Variants in C8orf33 observed in about 807,000 individuals in gnomAD.
The protein encoded by C8orf33 is UPF0488 protein C8orf33.
Under a neutral mutation model 25.7 loss-of-function variants are expected in C8orf33, and 28 were observed. The observed-to-expected ratio is 1.09, with a 90% CI of 0.81 to 1.49. The LOEUF (loss-of-function observed/expected upper bound fraction) is 1.49, where lower values mean the gene tolerates loss of function less well. Among genes scored for constraint, C8orf33 ranks in the 40% most tolerant of loss-of-function variants. The probability of loss-of-function intolerance (pLI) is 0.00; values close to 1 mark genes in which losing one functional copy is unlikely to be tolerated. For synonymous variants in C8orf33, 153 were observed against 115.9 expected (o/e 1.32, Z -2.06); for missense variants, 369 against 294.4 (o/e 1.25, Z -1.85).
intron 1 of C8orf33, 25 bp downstream of exon 1, chr8:145,052,522 G>T (rs1348458323): frequency 1.9e-6 from 3 of 1,600,274 alleles, no homozygotes; most frequent in African/African-American, 2.7e-5. Flanking sequence ...GAAGACGCGC[G>T]GGTGGCTGGG....
Position 145,054,322 on chromosome 8 carries a change from T to C in C8orf33, c.*165T>C. On this transcript the variant is annotated 3_prime_UTR_variant, in exon 5 of 5. Coordinates refer to ENST00000331434, the MANE Select transcript of C8orf33 (RefSeq NM_023080.3). The stretch of plus-strand genomic sequence containing the variant: ...GTTGTGAAGGTGTGAGACCATCAGA[T>C]AGGCAAAAGACCCCGTTCGTTTTCT... The C allele has an allele frequency of 3.0e-6, 2 of 664,446 alleles. No individual in the cohort carries two copies. The highest frequency in any genetic ancestry group is 2.3e-5 in the South Asian group (1 of 44,000). The allele number at this position is 664,446 out of a possible 1,614,324, so 41.2% of individuals were successfully genotyped here.
At position 145,052,489 on chromosome 8, in the gene C8orf33, C is replaced by G. The variant is rs572434877; in HGVS notation, c.-3C>G. ...CGCGTAGTTCCGGTGGCGACTGCGGCGCATGGCGGTGAGCGGTGTGGAGAA... is the reference window on the plus strand; with the variant it reads ...CGCGTAGTTCCGGTGGCGACTGCGGGGCATGGCGGTGAGCGGTGTGGAGAA... On this transcript the variant is annotated 5_prime_UTR_variant, in exon 1 of 5. Coordinates refer to ENST00000331434, the MANE Select transcript of C8orf33 (RefSeq NM_023080.3). 1.3e-6 allele frequency: 2 copies of G among 1,598,586 alleles called. No individual in the cohort carries two copies. Among genetic ancestry groups the G allele is most frequent in the Non-Finnish European group, 1.7e-6 (2 of 1,179,422 alleles).
In C8orf33 at chr8:145,053,289, A is replaced by G. The variant is rs753060166; in HGVS notation, c.404-8A>G. The G allele has an allele frequency of 1.9e-6, 3 of 1,613,988 alleles. No individual in the cohort carries two copies. In the Admixed American group the frequency reaches 5.0e-5, roughly 27 times the overall value. ...AGGTGTTCACTAGTCCTTTATTTTT[A>G]TTCGCAGAAGAGCAGGCTATTGGAG... On this transcript the variant is annotated splice_region_variant and splice_polypyrimidine_tract_variant and intron_variant, in intron 3 of 4. Coordinates refer to ENST00000331434, the MANE Select transcript of C8orf33 (RefSeq NM_023080.3).
In C8orf33 at chr8:145,054,351, G is replaced by T. The variant is rs1835325737; in HGVS notation, c.*194G>T. On this transcript the variant is annotated 3_prime_UTR_variant, in exon 5 of 5. Coordinates refer to ENST00000331434, the MANE Select transcript of C8orf33 (RefSeq NM_023080.3). ...CAAAAGACCCCGTTCGTTTTCTGAT[G>T]AAATGTTCTCTCTTTCAGAAGAGAG... 3 of 527,268 alleles carry T rather than the reference G, an allele frequency of 5.7e-6. No individual in the cohort carries two copies. The highest frequency in any genetic ancestry group is 7.2e-5 in the Admixed American group (2 of 27,752). The allele number at this position is 527,268 out of a possible 1,614,324, so 32.7% of individuals were successfully genotyped here.
At chr8:145,052,518 G>A (rs1406146109) in intron 1 of C8orf33, 21 bp downstream of exon 1, 1 of 1,600,106 alleles carries the variant, frequency 6.2e-7, no homozygotes, top group Non-Finnish European at 8.5e-7. Flanking sequence ...TGGAGAAGAC[G>A]CGCGGGTGGC....
Position 145,055,563 on chromosome 8 carries a change from TC to T in C8orf33, c.*1410del. On this transcript the variant is annotated 3_prime_UTR_variant, in exon 5 of 5. Transcript: ENST00000331434. ...CAGACTGGGAAAAGGAGCCTCCCTT[TC>T]CCCGGGGGAGTTTAGAGAAGACTAC... 1 of 164,686 alleles carries T rather than the reference TC, an allele frequency of 6.1e-6. No individual in the cohort carries two copies. Among genetic ancestry groups the T allele is most frequent in the Non-Finnish European group, 1.3e-5 (1 of 77,292 alleles). 10.2% of individuals were successfully genotyped at this position (164,686 alleles called of 1,614,324 possible).
intron 4 of C8orf33, 67 bp downstream of exon 4, chr8:145,053,510 A>G: frequency 6.5e-7 from 1 of 1,541,244 alleles, no homozygotes; most frequent in Non-Finnish European, 8.9e-7. Context: ...AGGGGGTGAA[A>G]GGAAGAAGGC....
rs915100536 is a variant in C8orf33, at chr8:145,054,306, G to A, written c.*149G>A. Reference sequence around the variant, plus strand: ...CCAAGGATTTGTAGCTGTTGTGAAGGTGTGAGACCATCAGATAGGCAAAAG... The same window carrying A: ...CCAAGGATTTGTAGCTGTTGTGAAGATGTGAGACCATCAGATAGGCAAAAG... On this transcript the variant is annotated 3_prime_UTR_variant, in exon 5 of 5. Transcript: ENST00000331434. 3.6e-6 allele frequency: 3 copies of A among 828,390 alleles called. No homozygotes were observed. Among genetic ancestry groups the A allele is most frequent in the Admixed American group, 2.8e-5 (1 of 35,146 alleles). 51.3% of individuals were successfully genotyped at this position (828,390 alleles called of 1,614,324 possible).
chr8:145,053,444 G>T lies in C8orf33; in HGVS notation c.550+1G>T. On this transcript the variant is annotated splice_donor_variant, in intron 4 of 4. Coordinates refer to ENST00000331434, the MANE Select transcript of C8orf33 (RefSeq NM_023080.3). LOFTEE classifies it high-confidence loss of function. ...GAGGCCCTGCGGGCTCTCAGAGCTG[G>T]TGAGGAGCTAGCCACTGGTTGATTC... 1 of 1,614,016 alleles carries T rather than the reference G, an allele frequency of 6.2e-7. No homozygotes were observed.
chr8:145,054,179 A>G lies in C8orf33; in HGVS notation c.*22A>G, dbSNP rs902485461. 7 of 1,612,990 alleles carry G rather than the reference A, an allele frequency of 4.3e-6. No individual in the cohort carries two copies. The highest frequency in any genetic ancestry group is 1.3e-5 in the African/African-American group (1 of 74,980). On this transcript the variant is annotated 3_prime_UTR_variant, in exon 5 of 5. Transcript: ENST00000331434. The stretch of plus-strand genomic sequence containing the variant: ...TTAGCGTCTCCCCGAACCTGAAACA[A>G]TCCCCCTCCCTTGGGGTGGTGTAGG...
intron 4 of C8orf33, 150 bp downstream of exon 4, chr8:145,053,593 T>C: frequency 1.6e-5 from 12 of 753,184 alleles, no homozygotes; most frequent in Non-Finnish European, 2.5e-5. Flanking sequence ...ACAGAAAGCG[T>C]GGACCTCTCT....
At chr8:145,053,926 G>A (rs1835317654) in intron 4 of C8orf33, 92 bp from the exon 5 acceptor site, 4 of 1,410,022 alleles carry the variant, frequency 2.8e-6, no homozygotes, top group Non-Finnish European at 3.9e-6. Context: ...ATTTATGCAA[G>A]GTGGTTAGAA....
Position 145,054,425 on chromosome 8 carries a change from A to G in C8orf33, c.*268A>G, listed in dbSNP as rs150598133. ...GCAATAAATTGAAGTGAGTGTTCAA[A>G]GTATTGTAGAAGGAATATTGTACTC... is the stretch of plus-strand genomic sequence containing the variant. On this transcript the variant is annotated 3_prime_UTR_variant, in exon 5 of 5. Coordinates refer to ENST00000331434, the MANE Select transcript of C8orf33 (RefSeq NM_023080.3). The G allele has an allele frequency of 2.7e-6, 1 of 370,908 alleles. No individual in the cohort carries two copies. The highest frequency in any genetic ancestry group is 4.9e-6 in the Non-Finnish European group (1 of 202,344). The allele number at this position is 370,908 out of a possible 1,614,324, so 23.0% of individuals were successfully genotyped here. A position where few individuals can be genotyped will look rare whatever the true frequency, so the allele number is the denominator to read the frequency against.
In C8orf33 at chr8:145,053,292, C is replaced by T. The variant is rs758862725; in HGVS notation, c.404-5C>T. On this transcript the variant is annotated splice_region_variant and splice_polypyrimidine_tract_variant and intron_variant, in intron 3 of 4. Coordinates refer to ENST00000331434, the MANE Select transcript of C8orf33 (RefSeq NM_023080.3). ...TGTTCACTAGTCCTTTATTTTTATT[C>T]GCAGAAGAGCAGGCTATTGGAGCAA... The T allele has an allele frequency of 3.7e-6, 6 of 1,613,822 alleles. No individual in the cohort carries two copies. The highest frequency in any genetic ancestry group is 3.3e-5 in the Admixed American group (2 of 59,970).
intron 4 of C8orf33, 53 bp downstream of exon 4, chr8:145,053,496 G>A (rs1587003005): frequency 2.5e-6 from 4 of 1,585,408 alleles, no homozygotes; most frequent in South Asian, 1.1e-5. Flanking sequence ...AGGAGGAAGT[G>A]TCTAGGGGGT....
chr8:145,052,756 G>A lies in C8orf33; in HGVS notation c.177G>A (p.Pro59=). 2 of 1,614,202 alleles carry A rather than the reference G, an allele frequency of 1.2e-6. No homozygotes were observed. The highest frequency in any genetic ancestry group is 1.7e-6 in the Non-Finnish European group (2 of 1,180,038). Residue 59 remains proline, a synonymous_variant, in exon 2 of 5, where the codon CCG becomes CCA. Transcript: ENST00000331434. The part of the protein sequence containing the change: ...TCSNADSRAH[P]LGDEGGTASK... ...GTAACGCTGACTCCAGAGCGCACCC[G>A]TTGGGCGATGAAGGCGGCACAGCGT... is the stretch of plus-strand genomic sequence containing the variant.
chr8:145,054,912 C>T lies in C8orf33; in HGVS notation c.*755C>T, dbSNP rs935708414. ...CCCTCTGTTCCATGGAATTGGGAAT[C>T]TCCAGGTGACCTAATCCTCATTGGT... On this transcript the variant is annotated 3_prime_UTR_variant, in exon 5 of 5. Transcript: ENST00000331434. The T allele has an allele frequency of 6.6e-6, 1 of 152,192 alleles. No homozygotes were observed. Among genetic ancestry groups the T allele is most frequent in the African/African-American group, 2.4e-5 (1 of 41,408 alleles). 9.4% of individuals were successfully genotyped at this position (152,192 alleles called of 1,614,324 possible).
rs561115165 is a variant in C8orf33, at chr8:145,053,352, C to T, written c.459C>T (p.Pro153=). Residue 153 remains proline, a synonymous_variant, in exon 4 of 5, where the codon CCC becomes CCT. Coordinates refer to ENST00000331434, the MANE Select transcript of C8orf33 (RefSeq NM_023080.3). ...RTLRSKRTPL[P]RKRQLMHSLF... Reference sequence around the variant, plus strand: ...TGCGCAGCAAAAGAACGCCCTTGCCCCGGAAGAGGCAGCTGATGCACTCCT... The same window carrying T: ...TGCGCAGCAAAAGAACGCCCTTGCCTCGGAAGAGGCAGCTGATGCACTCCT... The T allele has an allele frequency of 6.2e-7, 1 of 1,614,210 alleles. No homozygotes were observed. Among genetic ancestry groups the T allele is most frequent in the African/African-American group, 1.3e-5 (1 of 75,048 alleles).
At chr8:145,053,254 T>C in intron 3 of C8orf33, 43 bp from the exon 4 acceptor site, 3 of 1,612,056 alleles carry the variant, frequency 1.9e-6, no homozygotes, top group Non-Finnish European at 8.5e-7. Flanking sequence ...TGGTAGGAGG[T>C]CAGTAATAGA....
Sources: gnomAD v4.1 joint callset for allele counts on GRCh38, gnomAD v4.1.1 for gene constraint, MANE v1.5 for transcripts, NCBI Gene and HGNC (gene_info 2026-07-23, HGNC 2026-07-21) for gene names.